The following CACNB4 variants were observed in gnomAD, a reference collection of about 807,000 sequenced individuals.
The protein encoded by CACNB4 is calcium voltage-gated channel auxiliary subunit beta 4.
CACNB4 carries 32 observed loss-of-function variants against 71.2 expected under a neutral mutation model. That is an observed-to-expected ratio of 0.45 (90% confidence interval 0.34 to 0.60). The LOEUF (loss-of-function observed/expected upper bound fraction) is 0.60, where lower values mean the gene tolerates loss of function less well. CACNB4 is among the 20% of genes least tolerant of loss of function. The pLI is 0.01. For missense variants in CACNB4, 464 were observed against 647.9 expected (o/e 0.72, Z 3.08); for synonymous variants, 231 against 236.9 (o/e 0.97, Z 0.23).
chr2:151,891,842 C>A (rs2099850783), intron 2 of CACNB4, among the ~76,000 whole-genome samples: 1 of 152,108 alleles, frequency 6.6e-6, no homozygotes. Context: ...ATATACAGGT[C>A]ACAGAATAAC....
At chr2:151,878,196 C>CTG (rs1159475877) in intron 4 of CACNB4, among the ~76,000 whole-genome samples, 2 of 149,620 alleles carry the variant, frequency 1.3e-5, no homozygotes, top group East Asian at 2.4e-4. Flanking sequence ...ATATATATGT[C>CTG]TGTGTGTGTA....
chr2:151,893,075 G>A (rs2099851129), intron 2 of CACNB4, among the ~76,000 whole-genome samples: 1 of 152,132 alleles, frequency 6.6e-6, no homozygotes, highest in African/African-American at 2.4e-5. Context: ...AACATGTTTG[G>A]TACTGGCGCA....
intron 2 of CACNB4, among the ~76,000 whole-genome samples, chr2:151,916,458 G>A (rs1008301087): frequency 3.1e-5 from 4 of 128,820 alleles, no homozygotes; most frequent in Non-Finnish European, 6.5e-5. Context: ...AATTATTCAT[G>A]CCTATTTTAA....
At chr2:151,933,485 T>C (rs759250431) in intron 2 of CACNB4, among the ~76,000 whole-genome samples, 2 of 152,066 alleles carry the variant, frequency 1.3e-5, no homozygotes, top group Admixed American at 6.5e-5. Flanking sequence ...GTTGGTTTTA[T>C]TGTAACTGTC....
intron 2 of CACNB4, among the ~76,000 whole-genome samples, chr2:151,988,454 T>C (rs939091113): frequency 9.2e-5 from 14 of 152,110 alleles, no homozygotes; most frequent in Non-Finnish European, 1.6e-4. Flanking sequence ...TAAATATATA[T>C]AATAAAATCA....
At chr2:151,854,302 A>G (rs1413117641) in intron 11 of CACNB4, 2 of 152,326 alleles carry the variant, frequency 1.3e-5, no homozygotes, top group Non-Finnish European at 2.9e-5. Context: ...AGCTCTTTCA[A>G]TCCATTCTAC....
At chr2:151,947,617 G>T (rs576788024) in intron 2 of CACNB4, among the ~76,000 whole-genome samples, 2 of 152,220 alleles carry the variant, frequency 1.3e-5, no homozygotes, top group South Asian at 4.1e-4. Flanking sequence ...TTTACTGCAC[G>T]GCTCCCTTGG....
intron 2 of CACNB4, among the ~76,000 whole-genome samples, chr2:152,005,861 TA>T (rs1282548316): frequency 6.6e-6 from 1 of 152,156 alleles, no homozygotes; most frequent in East Asian, 1.9e-4. Flanking sequence ...TAAATAGGGA[TA>T]ACAATGGAAC....
chr2:151,991,770 T>G (rs1639501112), intron 2 of CACNB4, among the ~76,000 whole-genome samples: 1 of 152,178 alleles, frequency 6.6e-6, no homozygotes, highest in Non-Finnish European at 1.5e-5. Context: ...CAAAAGGAGA[T>G]GCTAAAAGAG....
At chr2:151,972,558 A>G (rs2151733981) in intron 2 of CACNB4, 1 of 152,386 alleles carries the variant, frequency 6.6e-6, no homozygotes, top group Admixed American at 6.5e-5. Context: ...CTTTGCGGAA[A>G]CAGAGTTAGA....
intron 6 of CACNB4, 198 bp from the exon 7 acceptor site, chr2:151,871,059 T>A (rs1364643160): frequency 1.7e-6 from 1 of 595,828 alleles, no homozygotes; most frequent in African/African-American, 1.9e-5. Flanking sequence ...AACAGACAGC[T>A]TCCTCCCTGG....
chr2:151,950,078 A>T (rs1034023034), intron 2 of CACNB4, among the ~76,000 whole-genome samples: 1 of 152,070 alleles, frequency 6.6e-6, no homozygotes. Flanking sequence ...AAAATAGAAA[A>T]TAGTCTTCTG....
chr2:152,039,147 G>A (rs906963360), intron 2 of CACNB4, among the ~76,000 whole-genome samples: 3 of 152,106 alleles, frequency 2.0e-5, no homozygotes, highest in African/African-American at 7.2e-5. Flanking sequence ...GGCCGAGCGC[G>A]GTGGCTCACA....
intron 2 of CACNB4, among the ~76,000 whole-genome samples, chr2:151,948,484 A>T (rs2099866118): frequency 6.6e-6 from 1 of 151,814 alleles, no homozygotes; most frequent in Admixed American, 6.6e-5. Flanking sequence ...ACACAGGGAG[A>T]CTCCTGTCTC....
chr2:151,869,075 A>G (rs539436338), intron 9 of CACNB4, 102 bp downstream of exon 9: 1 of 717,416 alleles, frequency 1.4e-6, no homozygotes, highest in East Asian at 2.7e-5. Context: ...ACTTTTAACT[A>G]GAGAACTTCT....
chr2:152,052,131 C>T (rs1685467354), intron 2 of CACNB4, among the ~76,000 whole-genome samples: 1 of 152,232 alleles, frequency 6.6e-6, no homozygotes, highest in African/African-American at 2.4e-5. Context: ...ATCCAGCCTA[C>T]TGAACATCAT....
At chr2:151,890,606 C>T (rs1476080995) in intron 2 of CACNB4, among the ~76,000 whole-genome samples, 4 of 152,168 alleles carry the variant, frequency 2.6e-5, no homozygotes, top group Admixed American at 6.5e-5. Flanking sequence ...GGTGCAAAAA[C>T]TTACATTAAA....
At chr2:151,945,687 T>C (rs1259051028) in intron 2 of CACNB4, among the ~76,000 whole-genome samples, 1 of 152,056 alleles carries the variant, frequency 6.6e-6, no homozygotes, top group African/African-American at 2.4e-5. Flanking sequence ...AAAATGGCGA[T>C]AATGTTAGTA....
intron 2 of CACNB4, among the ~76,000 whole-genome samples, chr2:151,933,922 G>A (rs1208436636): frequency 6.6e-6 from 1 of 152,240 alleles, no homozygotes; most frequent in Non-Finnish European, 1.5e-5. Context: ...TGTGGAATAT[G>A]AAATCTGCAG....
Sources: gnomAD v4.1 joint callset for allele counts (sites outside exome capture counted in the v4.1 genomes callset) on GRCh38, gnomAD v4.1.1 for gene constraint, MANE v1.5 for transcripts, NCBI Gene and HGNC (gene_info 2026-07-23, HGNC 2026-07-21) for gene names.